HECW2: variants seen among roughly 807,000 people sequenced by gnomAD.
The protein encoded by HECW2 is HECT, C2 and WW domain containing E3 ubiquitin protein ligase 2, also known as E3 ubiquitin-protein ligase HECW2.
Under a neutral mutation model 175.2 loss-of-function variants are expected in HECW2, and 61 were observed. That is an observed-to-expected ratio of 0.35 (90% confidence interval 0.28 to 0.43). HECW2 has a LOEUF of 0.43. HECW2 is among the 20% of genes least tolerant of loss of function. HECW2 has a pLI of 1.00. For missense variants in HECW2, 1,524 were observed against 2,000.5 expected, an observed-to-expected ratio of 0.76 and a Z score of 4.54; for synonymous variants, 671 against 731.0, an observed-to-expected ratio of 0.92 and a Z score of 1.32.
intron 2 of HECW2, among the ~76,000 whole-genome samples, chr2:196,416,145 A>G (rs191128315): frequency 2.6e-4 from 39 of 152,348 alleles, no homozygotes; most frequent in Non-Finnish European, 4.4e-4. Flanking sequence ...CCTTTAGAAA[A>G]CAATAAATTA....
intron 2 of HECW2, among the ~76,000 whole-genome samples, chr2:196,423,680 T>A (rs1387797613): frequency 3.5e-5 from 1 of 28,650 alleles, no homozygotes. Flanking sequence ...TGTATAGTAT[T>A]CCATTGTGTG....
At chr2:196,514,578 C>A (rs777699082) in intron 1 of HECW2, among the ~76,000 whole-genome samples, 1 of 152,102 alleles carries the variant, frequency 6.6e-6, no homozygotes, top group Non-Finnish European at 1.5e-5. Context: ...TTTCCCGGCA[C>A]GCCCATGGCT....
intron 1 of HECW2, among the ~76,000 whole-genome samples, chr2:196,569,902 C>T (rs1162892703): frequency 1.3e-5 from 2 of 152,214 alleles, no homozygotes; most frequent in African/African-American, 4.8e-5. Context: ...GTGGCACATG[C>T]CTGAAGTCCC....
At chr2:196,550,187 A>C (rs1341771427) in intron 1 of HECW2, among the ~76,000 whole-genome samples, 2 of 152,224 alleles carry the variant, frequency 1.3e-5, no homozygotes, top group Non-Finnish European at 2.9e-5. Context: ...TACCATCCAT[A>C]TAAAGGTAGA....
intron 16 of HECW2, 25 bp from the exon 17 acceptor site, chr2:196,271,314 A>G (rs113740737): frequency 5.5e-5 from 81 of 1,470,806 alleles, no homozygotes; most frequent in Middle Eastern, 3.6e-4. Flanking sequence ...AGAAAAGACA[A>G]CAATTTAAAA....
At chr2:196,449,909 G>A (rs13409638) in intron 1 of HECW2, among the ~76,000 whole-genome samples, 20,132 of 151,968 alleles carry the variant, frequency 0.13, 1,782 homozygotes, top group African/African-American at 0.26. Flanking sequence ...CATAATGCAT[G>A]GGAAACAGGA....
chr2:196,220,735 A>C, intron 25 of HECW2, 60 bp downstream of exon 25: 1 of 1,532,940 alleles, frequency 6.5e-7, no homozygotes, highest in Non-Finnish European at 9.0e-7. Flanking sequence ...GTACAATAAG[A>C]TGGACTGTGG....
chr2:196,419,216 A>C (rs552019055), intron 2 of HECW2, among the ~76,000 whole-genome samples: 2 of 152,342 alleles, frequency 1.3e-5, no homozygotes, highest in African/African-American at 2.4e-5. Flanking sequence ...TACCTAAGGG[A>C]GTAGGAAAAC....
At chr2:196,530,663 T>C (rs572171841) in intron 1 of HECW2, among the ~76,000 whole-genome samples, 1 of 152,364 alleles carries the variant, frequency 6.6e-6, no homozygotes, top group South Asian at 2.1e-4. Context: ...AAGACAGTTA[T>C]TTAGTTATTC....
chr2:196,319,919 A>G lies in HECW2; in HGVS notation c.986-15T>C. ...TGGAGAGGCATCTGAATGAGAAAAC[A>G]GCATTTCTAAAAAATTAACCAGAAA... On this transcript the variant is annotated splice_polypyrimidine_tract_variant and intron_variant, in intron 8 of 28. Transcript: ENST00000644978. 1.3e-6 allele frequency: 2 copies of G among 1,558,550 alleles called. No individual in the cohort carries two copies. Among genetic ancestry groups the G allele is most frequent in the South Asian group, 2.4e-5 (2 of 84,016 alleles).
At chr2:196,292,324 G>T in intron 14 of HECW2, 1 of 441,146 alleles carries the variant, frequency 2.3e-6, no homozygotes, top group Non-Finnish European at 4.1e-6. Context: ...AGAGTTTCCA[G>T]GGAGAAGTGA....
At chr2:196,236,423 A>G (rs547014505) in intron 21 of HECW2, among the ~76,000 whole-genome samples, 1 of 152,390 alleles carries the variant, frequency 6.6e-6, no homozygotes, top group African/African-American at 2.4e-5. Context: ...TACACCTCAC[A>G]CACAGATTAA....
At chr2:196,507,088 C>G (rs1341712013) in intron 1 of HECW2, among the ~76,000 whole-genome samples, 1 of 152,010 alleles carries the variant, frequency 6.6e-6, no homozygotes, top group African/African-American at 2.4e-5. Context: ...ATTGGAAAAT[C>G]TATTTATATG....
intron 2 of HECW2, among the ~76,000 whole-genome samples, chr2:196,349,611 T>C (rs890483444): frequency 2.0e-5 from 3 of 152,082 alleles, no homozygotes; most frequent in Non-Finnish European, 2.9e-5. Flanking sequence ...TGCCTGAACA[T>C]GATACTTATC....
rs1308035364 is a variant in HECW2 at position 196,344,350 on chromosome 2, TC to T, written c.293-587del. ...AAAAAAAAAAAAAAAAAAAAGAGTC[TC>T]TATAGGCTTTTGTGTTGAAGAAGAA... On this transcript the variant is annotated intron_variant, in intron 2 of 28. Coordinates refer to ENST00000644978, the MANE Select transcript of HECW2 (RefSeq NM_001348768.2). Among the ~76,000 whole-genome samples the T allele has an allele frequency of 4.5e-5, 6 of 134,530 alleles. No individual in the cohort carries two copies. The Admixed American group carries it at 4.6e-4, about 10-fold the overall frequency. The allele number at this position is 134,530 out of a possible 152,430, so 88.3% of individuals were successfully genotyped here. A position where few individuals can be genotyped will look rare whatever the true frequency, so the allele number is the denominator to read the frequency against.
chr2:196,497,834 AG>A (rs533148707), intron 1 of HECW2, among the ~76,000 whole-genome samples: 86 of 152,368 alleles, frequency 5.6e-4, no homozygotes, highest in African/African-American at 2.0e-3. Flanking sequence ...CTGATCACAG[AG>A]GGCAAGAAGC....
At chr2:196,381,913 G>A (rs1242789931) in intron 2 of HECW2, among the ~76,000 whole-genome samples, 1 of 152,140 alleles carries the variant, frequency 6.6e-6, no homozygotes, top group African/African-American at 2.4e-5. Context: ...ATTCATTACA[G>A]CACTATTTGT....
chr2:196,296,118 A>G (rs757437231), intron 13 of HECW2, among the ~76,000 whole-genome samples: 15 of 151,880 alleles, frequency 9.9e-5, no homozygotes, highest in Admixed American at 3.3e-4. Flanking sequence ...TTATGCAAAA[A>G]CTGTGTGTGT....
At chr2:196,329,671 T>A (rs757646712) in intron 4 of HECW2, 21 bp from the exon 5 acceptor site, 6 of 1,607,438 alleles carry the variant, frequency 3.7e-6, no homozygotes, top group Non-Finnish European at 5.1e-6. Flanking sequence ...AAAACATGCA[T>A]CTGAAGTTTC....
Sources: gnomAD v4.1 joint callset for allele counts (sites outside exome capture counted in the v4.1 genomes callset) on GRCh38, gnomAD v4.1.1 for gene constraint, MANE v1.5 for transcripts, NCBI Gene and HGNC (gene_info 2026-07-23, HGNC 2026-07-21) for gene names.